WDR36: variants seen among roughly 807,000 people sequenced by gnomAD.
The protein encoded by WDR36 is WD repeat-containing protein 36.
In WDR36, 63 loss-of-function variants were observed where a neutral mutation model predicts 112.7. The observed-to-expected ratio is 0.56, with a 90% CI of 0.46 to 0.69. The LOEUF (loss-of-function observed/expected upper bound fraction) is 0.69, where lower values mean the gene tolerates loss of function less well. WDR36 is among the 30% of genes least tolerant of loss of function. The pLI, the probability that WDR36 is intolerant of heterozygous loss-of-function variation, is 0.00. For synonymous variants in WDR36, 410 were observed against 362.2 expected, an observed-to-expected ratio of 1.13 and a Z score of -1.50; for missense variants, 1,226 against 1,070.3, an observed-to-expected ratio of 1.15 and a Z score of -2.03.
At chr5:111,107,196 A>G in intron 11 of WDR36, 98 bp from the exon 12 acceptor site, 2 of 1,391,872 alleles carry the variant, frequency 1.4e-6, no homozygotes, top group South Asian at 1.2e-5. Flanking sequence ...TTGTTTTACC[A>G]TTGTATCCCT....
At chr5:111,097,525 T>C (rs892806100) in intron 3 of WDR36, among the ~76,000 whole-genome samples, 1 of 152,228 alleles carries the variant, frequency 6.6e-6, no homozygotes, top group Admixed American at 6.5e-5. Context: ...TAAAATACTT[T>C]CCTAGAAAAT....
In WDR36 at chr5:111,129,638, C is replaced by T. The variant is rs1426605729; in HGVS notation, c.*2755C>T. ...TTTATGTCTGTTGCCAATGTTTTCT[C>T]CTACTTAGCCATTTGGCTTTAATTT... On this transcript the variant is annotated 3_prime_UTR_variant, in exon 23 of 23. Coordinates refer to ENST00000513710, the MANE Select transcript of WDR36 (RefSeq NM_139281.3). 1.9e-5 allele frequency: 4 copies of T among 206,086 alleles called. No individual in the cohort carries two copies. Among genetic ancestry groups the T allele is most frequent in the Non-Finnish European group, 4.0e-5 (4 of 101,076 alleles). The allele number at this position is 206,086 out of a possible 1,614,324, so 12.8% of individuals were successfully genotyped here.
At chr5:111,101,171 T>A (rs1336899311) in intron 5 of WDR36, among the ~76,000 whole-genome samples, 2 of 151,820 alleles carry the variant, frequency 1.3e-5, no homozygotes, top group Non-Finnish European at 2.9e-5. Flanking sequence ...TAACTATATG[T>A]TTGCTTTTGG....
At position 111,128,422 on chromosome 5, in the gene WDR36, T is replaced by C. The variant is rs1465481629; in HGVS notation, c.*1539T>C. On this transcript the variant is annotated 3_prime_UTR_variant, in exon 23 of 23. Transcript: ENST00000513710. ...TCTTTTAGAAATGTGTATTGACTTA[T>C]TAAAGCCACTGACAGAAATGTTAAT... is the stretch of plus-strand genomic sequence containing the variant. The C allele has an allele frequency of 5.5e-6, 1 of 182,280 alleles. No individual in the cohort carries two copies. Among genetic ancestry groups the C allele is most frequent in the South Asian group, 2.0e-4 (1 of 5,086 alleles). 11.3% of individuals were successfully genotyped at this position (182,280 alleles called of 1,614,324 possible). A position where few individuals can be genotyped will look rare whatever the true frequency, so the allele number is the denominator to read the frequency against.
intron 18 of WDR36, 26 bp from the exon 19 acceptor site, chr5:111,120,970 T>G (rs763456119): frequency 6.3e-6 from 10 of 1,592,998 alleles, no homozygotes; most frequent in Non-Finnish European, 8.6e-6. Context: ...AAAAATCTTT[T>G]GTTTTACCTG....
In WDR36 at chr5:111,098,729, A is replaced by G. The variant is rs375254208; in HGVS notation, c.299A>G (p.His100Arg). The G allele has an allele frequency of 5.0e-6, 8 of 1,595,782 alleles. No homozygotes were observed. Among genetic ancestry groups the G allele is most frequent in the Non-Finnish European group, 6.9e-6 (8 of 1,163,614 alleles). Residue 100 changes from histidine (H) to arginine (R), a missense_variant, in exon 4 of 23, where the codon CAT becomes CGT. Transcript: ENST00000513710. ...SAFARNKEIVHTFKGHKAEIH... is the reference protein window; with the variant it reads ...SAFARNKEIVRTFKGHKAEIH... ...TAAACTTCGATGTTTTAGATAGTAC[A>G]TACCTTTAAGGGTCATAAGGCAGAA...
At chr5:111,104,581 A>G (rs1753187173) in intron 8 of WDR36, 116 bp from the exon 9 acceptor site, 2 of 1,516,902 alleles carry the variant, frequency 1.3e-6, no homozygotes, top group Middle Eastern at 1.7e-4. Context: ...GTAGCTCCAG[A>G]GTCAGTGGCT....
chr5:111,103,199 T>C (rs991667814), intron 6 of WDR36, among the ~76,000 whole-genome samples: 1 of 151,766 alleles, frequency 6.6e-6, no homozygotes, highest in East Asian at 1.9e-4. Context: ...TATTGGACAT[T>C]GATCTTTGCT....
At chr5:111,106,958 A>G (rs1163118303) in intron 11 of WDR36, among the ~76,000 whole-genome samples, 1 of 151,040 alleles carries the variant, frequency 6.6e-6, no homozygotes, top group Non-Finnish European at 1.5e-5. Context: ...CTTTCCCCAA[A>G]TCTCCTGAGT....
At chr5:111,126,179 T>C (rs1398054002) in intron 22 of WDR36, among the ~76,000 whole-genome samples, 3 of 152,058 alleles carry the variant, frequency 2.0e-5, no homozygotes, top group Non-Finnish European at 4.4e-5. Flanking sequence ...CTTTTTTTAG[T>C]GGTTAGTTAC....
At chr5:111,116,088 G>A (rs370726843) in intron 16 of WDR36, among the ~76,000 whole-genome samples, 5 of 151,768 alleles carry the variant, frequency 3.3e-5, no homozygotes, top group African/African-American at 7.3e-5. Context: ...GACCACAGGC[G>A]TGTGCCACCA....
chr5:111,092,749 A>T, intron 1 of WDR36, 131 bp downstream of exon 1: 1 of 1,172,384 alleles, frequency 8.5e-7, no homozygotes, highest in Non-Finnish European at 1.2e-6. Flanking sequence ...CTGTCCTATT[A>T]ATATTTCGCC....
At chr5:111,097,522 CTT>C (rs1753018086) in intron 3 of WDR36, among the ~76,000 whole-genome samples, 1 of 152,278 alleles carries the variant, frequency 6.6e-6, no homozygotes, top group Admixed American at 6.5e-5. Flanking sequence ...TTTTAAAATA[CTT>C]TCCTAGAAAA....
intron 5 of WDR36, among the ~76,000 whole-genome samples, chr5:111,102,052 T>C (rs182776536): frequency 8.4e-4 from 127 of 151,832 alleles, no homozygotes; most frequent in African/African-American, 2.8e-3. Context: ...GTCCTAAATT[T>C]TTTTTACTGT....
intron 17 of WDR36, 43 bp from the exon 18 acceptor site, chr5:111,120,453 T>A: frequency 6.7e-7 from 1 of 1,499,660 alleles, no homozygotes; most frequent in Non-Finnish European, 9.3e-7. Context: ...TGAAAGAAAC[T>A]TTTTATAATT....
chr5:111,101,124 G>C (rs777890552), intron 5 of WDR36, among the ~76,000 whole-genome samples: 2 of 151,846 alleles, frequency 1.3e-5, no homozygotes, highest in African/African-American at 4.8e-5. Context: ...AGAAGTTGGG[G>C]AAGTCCTGGA....
chr5:111,102,730 A>G (rs1436498451), intron 6 of WDR36, among the ~76,000 whole-genome samples: 1 of 151,672 alleles, frequency 6.6e-6, no homozygotes, highest in Non-Finnish European at 1.5e-5. Flanking sequence ...TGCAAGCGGT[A>G]TTGTAAGTCA....
At position 111,097,286 on chromosome 5, in the gene WDR36, A is replaced by G. The variant is rs577930792; in HGVS notation, c.291+107A>G. 73 of 811,688 alleles carry G rather than the reference A, an allele frequency of 9.0e-5. No homozygotes were observed. In the South Asian group the frequency reaches 9.4e-4, roughly 10 times the overall value. 50.3% of individuals were successfully genotyped at this position (811,688 alleles called of 1,614,324 possible). A position where few individuals can be genotyped will look rare whatever the true frequency, so the allele number is the denominator to read the frequency against. Reference sequence around the variant, plus strand: ...TACCCAGCACACTCTGGAACTATACAGTATTCTTTTTTTTCTAATGTATAT... The same window carrying G: ...TACCCAGCACACTCTGGAACTATACGGTATTCTTTTTTTTCTAATGTATAT... On this transcript the variant is annotated intron_variant, in intron 3 of 22. Transcript: ENST00000513710.
chr5:111,109,283 G>C (rs533222335), intron 12 of WDR36, among the ~76,000 whole-genome samples: 1 of 151,186 alleles, frequency 6.6e-6, no homozygotes, highest in Admixed American at 6.6e-5. Flanking sequence ...GTTTCATTTA[G>C]GAAGATAAAA....
Sources: gnomAD v4.1 joint callset for allele counts (sites outside exome capture counted in the v4.1 genomes callset) on GRCh38, gnomAD v4.1.1 for gene constraint, MANE v1.5 for transcripts, NCBI Gene and HGNC (gene_info 2026-07-23, HGNC 2026-07-21) for gene names.